The following CTNND2 variants were observed in gnomAD, a reference collection of about 807,000 sequenced individuals.
CTNND2 encodes the protein catenin delta 2, also known as catenin delta-2.
In CTNND2, 22 loss-of-function variants were observed where a neutral mutation model predicts 144.4. That is an observed-to-expected ratio of 0.15 (90% confidence interval 0.11 to 0.22). The LOEUF (loss-of-function observed/expected upper bound fraction) is 0.22. CTNND2 is among the 10% of genes least tolerant of loss of function. CTNND2 has a pLI of 1.00. For synonymous variants in CTNND2, 751 were observed against 695.6 expected, an observed-to-expected ratio of 1.08 and a Z score of -1.25; for missense variants, 1,353 against 1,618.8, an observed-to-expected ratio of 0.84 and a Z score of 2.82.
chr5:11,380,608 T>C (rs1413006890), intron 7 of CTNND2, among the ~76,000 whole-genome samples: 1 of 152,200 alleles, frequency 6.6e-6, no homozygotes, highest in African/African-American at 2.4e-5. Context: ...TTTAAACCTA[T>C]CCAGGGATCT....
chr5:11,814,793 G>A (rs943376306), intron 1 of CTNND2, among the ~76,000 whole-genome samples: 4 of 152,164 alleles, frequency 2.6e-5, no homozygotes, highest in Non-Finnish European at 5.9e-5. Flanking sequence ...CAAATGAAAG[G>A]ATAGCAGAAT....
Position 11,567,700 on chromosome 5 carries a change from T to C in CTNND2, c.175-2644A>G, listed in dbSNP as rs189164970. ...AAAAATTTCATTTGGGTCTTTTTTG[T>C]ATCATTCATGACTTTATTTAACTTT... is the stretch of plus-strand genomic sequence containing the variant. On this transcript the variant is annotated intron_variant, in intron 2 of 21. Transcript: ENST00000304623. 2.7e-3 allele frequency among the ~76,000 whole-genome samples: 416 copies of C among 152,370 alleles called. 1 individual carries two copies. The highest frequency in any genetic ancestry group is 9.6e-3 in the African/African-American group (399 of 41,588).
intron 18 of CTNND2, among the ~76,000 whole-genome samples, chr5:10,994,789 A>T (rs1379724407): frequency 6.6e-6 from 1 of 152,164 alleles, no homozygotes; most frequent in African/African-American, 2.4e-5. Context: ...GAGTAGCCAC[A>T]GCAAAGCTGC....
intron 3 of CTNND2, among the ~76,000 whole-genome samples, 170 bp downstream of exon 3, chr5:11,564,774 A>C (rs1460118789): frequency 6.6e-6 from 1 of 152,274 alleles, no homozygotes; most frequent in Non-Finnish European, 1.5e-5. Flanking sequence ...AATACAAATC[A>C]GGACATTTTG....
intron 9 of CTNND2, among the ~76,000 whole-genome samples, chr5:11,237,031 T>C (rs1245675563): frequency 6.6e-6 from 1 of 151,778 alleles, no homozygotes; most frequent in Admixed American, 6.6e-5. Flanking sequence ...TCTTTTTTTT[T>C]TTTTTTTAGA....
chr5:11,196,833 G>A (rs961055167), intron 11 of CTNND2, among the ~76,000 whole-genome samples: 2 of 152,206 alleles, frequency 1.3e-5, no homozygotes, highest in Non-Finnish European at 2.9e-5. Context: ...GCTGCACTGT[G>A]TGGTCAACTG....
At chr5:11,194,728 T>G (rs153607) in intron 11 of CTNND2, among the ~76,000 whole-genome samples, 55,303 of 151,900 alleles carry the variant, frequency 0.36, 11,185 homozygotes, top group African/African-American at 0.55. Flanking sequence ...TGAAAAAAAT[T>G]GAGATAATTC....
intron 16 of CTNND2, among the ~76,000 whole-genome samples, chr5:11,023,309 A>T (rs1052715276): frequency 6.6e-6 from 1 of 152,238 alleles, no homozygotes; most frequent in African/African-American, 2.4e-5. Context: ...GCTGTAAAGC[A>T]TAAATGAGTG....
chr5:11,618,903 A>G (rs961199653), intron 2 of CTNND2, among the ~76,000 whole-genome samples: 12 of 152,242 alleles, frequency 7.9e-5, no homozygotes, highest in African/African-American at 2.7e-4. Flanking sequence ...TTGAGGAAAC[A>G]TAATTAAGTA....
intron 3 of CTNND2, among the ~76,000 whole-genome samples, chr5:11,554,989 A>G (rs1332314400): frequency 1.3e-5 from 2 of 151,932 alleles, no homozygotes; most frequent in East Asian, 3.9e-4. Context: ...AATAGATAAT[A>G]TGTATACTGG....
chr5:11,472,196 TA>T lies in CTNND2; in HGVS notation c.288-60128del, dbSNP rs554282476. 5.9e-5 allele frequency among the ~76,000 whole-genome samples: 9 copies of T among 152,328 alleles called. No individual in the cohort carries two copies. In the South Asian group the frequency reaches 1.9e-3, roughly 32 times the overall value. ...AATCCTTATAACTGTTGGACAACTTTACACTTAATAGAATCTCAACTGTTGT... is the reference window on the plus strand; with the variant it reads ...AATCCTTATAACTGTTGGACAACTTTCACTTAATAGAATCTCAACTGTTGT... On this transcript the variant is annotated intron_variant, in intron 3 of 21. Coordinates refer to ENST00000304623, the MANE Select transcript of CTNND2 (RefSeq NM_001332.4).
chr5:11,409,480 A>G (rs1761347571), intron 5 of CTNND2, among the ~76,000 whole-genome samples: 1 of 152,074 alleles, frequency 6.6e-6, no homozygotes, highest in South Asian at 2.1e-4. Context: ...ATTCTGTCTG[A>G]TTCATGAGAC....
At chr5:11,251,434 T>C (rs543205172) in intron 9 of CTNND2, among the ~76,000 whole-genome samples, 10 of 152,338 alleles carry the variant, frequency 6.6e-5, no homozygotes, top group South Asian at 2.1e-4. Flanking sequence ...CAGAAACCTC[T>C]GAAAATCCTG....
chr5:11,771,175 T>C (rs1367342835), intron 1 of CTNND2, among the ~76,000 whole-genome samples: 1 of 144,172 alleles, frequency 6.9e-6, no homozygotes, highest in Non-Finnish European at 1.5e-5. Flanking sequence ...AGCTCTATCA[T>C]GAACCCACAT....
intron 1 of CTNND2, among the ~76,000 whole-genome samples, chr5:11,883,982 TG>T (rs1736325915): frequency 6.6e-6 from 1 of 152,242 alleles, no homozygotes; most frequent in African/African-American, 2.4e-5. Context: ...TGTCTTCTTT[TG>T]AGAAGTGTCT....
intron 8 of CTNND2, among the ~76,000 whole-genome samples, chr5:11,360,279 A>T (rs191451380): frequency 2.0e-5 from 3 of 152,282 alleles, no homozygotes; most frequent in African/African-American, 7.2e-5. Context: ...CTTTGGTGGG[A>T]AAGTTAAGAG....
At chr5:11,717,586 A>C (rs978956546) in intron 2 of CTNND2, among the ~76,000 whole-genome samples, 1 of 152,042 alleles carries the variant, frequency 6.6e-6, no homozygotes, top group East Asian at 1.9e-4. Context: ...AAAAAAAAAA[A>C]AAAAGATGTG....
At chr5:11,556,795 A>G (rs1232564380) in intron 3 of CTNND2, among the ~76,000 whole-genome samples, 16 of 152,210 alleles carry the variant, frequency 1.1e-4, no homozygotes, top group Admixed American at 1.0e-3. Context: ...AAGAAAAGAA[A>G]GCACTTCCTT....
chr5:10,992,677 C>T lies in CTNND2; in HGVS notation c.3085G>A (p.Asp1029Asn). 1 of 1,613,862 alleles carries T rather than the reference C, an allele frequency of 6.2e-7. No individual in the cohort carries two copies. The highest frequency in any genetic ancestry group is 8.5e-7 in the Non-Finnish European group (1 of 1,179,918). The change falls in exon 19 of 22, where the codon GAT becomes AAT. Residue 1029 changes from aspartate to asparagine, a missense_variant and splice_region_variant. Physicochemically the swap from Asp to Asn is conservative, Grantham distance 23 (BLOSUM62 1). This residue lies in a region of CTNND2 where 459 missense variants were observed against 674.3 expected (regional missense o/e 0.68). Transcript: ENST00000304623. Reference protein sequence around the residue: ...YRDLRSLYKKDGWSQYHFVAS... With the variant: ...YRDLRSLYKKNGWSQYHFVAS... ...ACAAAGTGGTATTGTGACCATCCAT[C>T]CTGCAAAACACAGCACGCTCCTGTT... is the stretch of plus-strand genomic sequence containing the variant.
Sources: gnomAD v4.1 joint callset for allele counts (sites outside exome capture counted in the v4.1 genomes callset) on GRCh38, gnomAD v4.1.1 for gene constraint, gnomAD v4.1.1 regional missense constraint, MANE v1.5 for transcripts, NCBI Gene and HGNC (gene_info 2026-07-23, HGNC 2026-07-21) for gene names.